The following ARHGAP18 variants were observed in gnomAD, a reference collection of about 807,000 sequenced individuals.
The protein encoded by ARHGAP18 is Rho GTPase activating protein 18, also known as rho GTPase-activating protein 18.
Under a neutral mutation model 86.2 loss-of-function variants are expected in ARHGAP18, and 67 were observed. The observed-to-expected ratio is 0.78, with a 90% CI of 0.64 to 0.95. The LOEUF (loss-of-function observed/expected upper bound fraction) is 0.95, where lower values mean the gene tolerates loss of function less well. ARHGAP18 is among the 40% of genes least tolerant of loss of function. The probability of loss-of-function intolerance (pLI) is 0.00; values close to 1 mark genes in which losing one functional copy is unlikely to be tolerated. For synonymous variants in ARHGAP18, 283 were observed against 280.4 expected (o/e 1.01, Z -0.09); for missense variants, 691 against 780.4 (o/e 0.89, Z 1.37).
Position 129,625,771 on chromosome 6 carries a change from A to T in ARHGAP18, c.786+3582T>A, listed in dbSNP as rs1360021072. 8.4e-5 allele frequency among the ~76,000 whole-genome samples: 5 copies of T among 59,180 alleles called. 2 individuals are homozygous for T. The highest frequency in any genetic ancestry group is 1.5e-4 in the Non-Finnish European group (5 of 33,520). 38.8% of individuals were successfully genotyped at this position (59,180 alleles called of 152,430 possible). ...TATATTATATATTTATATATTATAT[A>T]TATTTATATATATAATATATATTTT... is the stretch of plus-strand genomic sequence containing the variant. On this transcript the variant is annotated intron_variant, in intron 5 of 14. Transcript: ENST00000368149.
intron 7 of ARHGAP18, 97 bp from the exon 8 acceptor site, chr6:129,611,707 A>G (rs1788984251): frequency 1.0e-6 from 1 of 989,918 alleles, no homozygotes; most frequent in Admixed American, 2.1e-5. Flanking sequence ...ACTGATTACA[A>G]TGACATGTAA....
chr6:129,629,605 A>T, intron 4 of ARHGAP18, 83 bp from the exon 5 acceptor site: 2 of 1,404,500 alleles, frequency 1.4e-6, no homozygotes, highest in Non-Finnish European at 1.9e-6. Context: ...CTACATAAAA[A>T]CATTTGGGAA....
intron 1 of ARHGAP18, among the ~76,000 whole-genome samples, chr6:129,661,188 TA>T (rs1773943398): frequency 6.7e-6 from 1 of 150,014 alleles, no homozygotes; most frequent in African/African-American, 2.5e-5. Flanking sequence ...ATGGAAACTA[TA>T]AAAAAGAAGT....
In ARHGAP18 at chr6:129,626,365, A is replaced by C. The variant is rs560361643; in HGVS notation, c.786+2988T>G. Among the ~76,000 whole-genome samples, 11 of 152,082 alleles carry C rather than the reference A, an allele frequency of 7.2e-5. No homozygotes were observed. The South Asian group carries it at 1.7e-3, about 23-fold the overall frequency. ...ATAAACCATGATATTAAAAGGAAAG[A>C]AAGTTTGCCACTAAGAGGAGGGATT... is the stretch of plus-strand genomic sequence containing the variant. On this transcript the variant is annotated intron_variant, in intron 5 of 14. Transcript: ENST00000368149.
chr6:129,706,264 A>C (rs1333009153), intron 1 of ARHGAP18, among the ~76,000 whole-genome samples: 1 of 152,232 alleles, frequency 6.6e-6, no homozygotes, highest in African/African-American at 2.4e-5. Context: ...TGCTTGAAAA[A>C]CAAGTAAACA....
chr6:129,667,469 A>ATGTGTGTGTGTGTG (rs376500003), intron 1 of ARHGAP18, among the ~76,000 whole-genome samples: 11 of 104,220 alleles, frequency 1.1e-4, no homozygotes, highest in East Asian at 5.8e-4. Flanking sequence ...AAAAATATAT[A>ATGTGTGTGTGTGTG]TGTGTGTGTG....
intron 1 of ARHGAP18, among the ~76,000 whole-genome samples, chr6:129,676,495 A>G (rs1467128718): frequency 6.6e-6 from 1 of 152,208 alleles, no homozygotes; most frequent in African/African-American, 2.4e-5. Flanking sequence ...CACCCCTGGC[A>G]TCTCCACAGT....
At chr6:129,613,491 G>C (rs2114464225) in intron 7 of ARHGAP18, among the ~76,000 whole-genome samples, 1 of 152,296 alleles carries the variant, frequency 6.6e-6, no homozygotes, top group African/African-American at 2.4e-5. Flanking sequence ...TTGTATGCTA[G>C]CTGCTGGAGC....
rs757198406 is a variant in ARHGAP18, at chr6:129,629,525, A to C, written c.617-3T>G. ...ACCAACAAGGTTAGATGCCTCGTCT[A>C]GGGGCCCGGGGGGAAAGAACCCAAT... On this transcript the variant is annotated splice_region_variant and splice_polypyrimidine_tract_variant and intron_variant, in intron 4 of 14. Transcript: ENST00000368149. The C allele has an allele frequency of 5.0e-6, 8 of 1,608,652 alleles. No individual in the cohort carries two copies. Among genetic ancestry groups the C allele is most frequent in the Admixed American group, 1.7e-5 (1 of 58,848 alleles).
chr6:129,611,264 C>A (rs867598839), intron 8 of ARHGAP18, among the ~76,000 whole-genome samples: 2 of 152,126 alleles, frequency 1.3e-5, no homozygotes, highest in Admixed American at 1.3e-4. Flanking sequence ...ACTATCCCCA[C>A]GCCATTAATA....
intron 1 of ARHGAP18, among the ~76,000 whole-genome samples, chr6:129,679,801 TA>T (rs1363769025): frequency 6.6e-6 from 1 of 152,192 alleles, no homozygotes; most frequent in Admixed American, 6.5e-5. Flanking sequence ...TTTGGTGGCT[TA>T]AAACAAATGA....
chr6:129,600,664 T>G lies in ARHGAP18; in HGVS notation c.1550A>C (p.Lys517Thr), dbSNP rs778376185. 1 of 1,613,478 alleles carries G rather than the reference T, an allele frequency of 6.2e-7. No individual in the cohort carries two copies. The highest frequency in any genetic ancestry group is 1.1e-5 in the South Asian group (1 of 91,046). Residue 517 changes from lysine to threonine, a missense_variant, in exon 11 of 15, where the codon AAG (lysine) becomes ACG (threonine). Lys to Thr is a moderately conservative substitution (Grantham distance 78). Transcript: ENST00000368149. Reference protein sequence around the residue: ...GTANTMHLLIKYQKLLWTIPK... With the variant: ...GTANTMHLLITYQKLLWTIPK... ...TACTGTCCACAGAAGTTTTTGGTAC[T>G]TAATCAATAAGTGCATGGTATTTGC...
At chr6:129,680,894 A>C (rs1584110315) in intron 1 of ARHGAP18, among the ~76,000 whole-genome samples, 1 of 152,242 alleles carries the variant, frequency 6.6e-6, no homozygotes. Flanking sequence ...ATGACTTTGT[A>C]CTTCAGCAAT....
intron 1 of ARHGAP18, among the ~76,000 whole-genome samples, chr6:129,708,638 G>T (rs184627169): frequency 1.3e-5 from 2 of 152,186 alleles, no homozygotes; most frequent in Admixed American, 1.3e-4. Context: ...ATTCAGCTCA[G>T]GTCCTCAGGC....
At chr6:129,669,123 C>G (rs1489950474) in intron 1 of ARHGAP18, among the ~76,000 whole-genome samples, 1 of 152,020 alleles carries the variant, frequency 6.6e-6, no homozygotes, top group African/African-American at 2.4e-5. Flanking sequence ...GCACTACTCT[C>G]CTCTGTGGTC....
At chr6:129,643,919 T>A (rs1283294759) in intron 1 of ARHGAP18, among the ~76,000 whole-genome samples, 1 of 152,232 alleles carries the variant, frequency 6.6e-6, no homozygotes, top group Non-Finnish European at 1.5e-5. Flanking sequence ...AACTTAATTG[T>A]TTATTGCTGC....
At chr6:129,626,105 C>CACATATAT (rs1425322925) in intron 5 of ARHGAP18, among the ~76,000 whole-genome samples, 14 of 124,910 alleles carry the variant, frequency 1.1e-4, no homozygotes, top group Non-Finnish European at 2.0e-4. Flanking sequence ...CACACACACA[C>CACATATAT]ATATATAGAA....
At chr6:129,693,427 GT>G (rs1253138101) in intron 1 of ARHGAP18, among the ~76,000 whole-genome samples, 1 of 152,182 alleles carries the variant, frequency 6.6e-6, no homozygotes, top group Non-Finnish European at 1.5e-5. Flanking sequence ...GGAGTTTCCA[GT>G]TTTCAAATGA....
At chr6:129,629,555 A>C in intron 4 of ARHGAP18, 33 bp from the exon 5 acceptor site, 2 of 1,571,810 alleles carry the variant, frequency 1.3e-6, no homozygotes. Flanking sequence ...CCCAATTCAT[A>C]TGCTTTATTT....
Sources: gnomAD v4.1 joint callset for allele counts (sites outside exome capture counted in the v4.1 genomes callset) on GRCh38, gnomAD v4.1.1 for gene constraint, MANE v1.5 for transcripts, NCBI Gene and HGNC (gene_info 2026-07-23, HGNC 2026-07-21) for gene names.